ST8SIA4: variants seen among roughly 807,000 people sequenced by gnomAD.
ST8SIA4 encodes ST8 alpha-N-acetyl-neuraminide alpha-2,8-sialyltransferase 4, also known as CMP-N-acetylneuraminate-poly-alpha-2,8-sialyltransferase.
Under a neutral mutation model 33.9 loss-of-function variants are expected in ST8SIA4, and 15 were observed. The ratio of observed to expected loss-of-function variants is 0.44; its 90% CI spans 0.30 to 0.68. ST8SIA4 has a LOEUF of 0.68. ST8SIA4 is among the 30% of genes least tolerant of loss of function. The pLI is 0.10. For missense variants in ST8SIA4, 321 were observed against 428.0 expected, an observed-to-expected ratio of 0.75 and a Z score of 2.21; for synonymous variants, 171 against 151.2, an observed-to-expected ratio of 1.13 and a Z score of -0.96.
At chr5:100,897,122 G>A (rs1752794700) in intron 1 of ST8SIA4, among the ~76,000 whole-genome samples, 1 of 152,102 alleles carries the variant, frequency 6.6e-6, no homozygotes, top group South Asian at 2.1e-4. Flanking sequence ...TTCCCTGACA[G>A]TTGGTGGAGA....
intron 4 of ST8SIA4, among the ~76,000 whole-genome samples, chr5:100,836,775 A>AT (rs1751371572): frequency 1.3e-5 from 2 of 151,976 alleles, no homozygotes; most frequent in Admixed American, 6.6e-5. Context: ...TCCAGATTCA[A>AT]TTTTTTACTT....
chr5:100,869,489 G>T (rs989101551), intron 3 of ST8SIA4, among the ~76,000 whole-genome samples: 2 of 152,096 alleles, frequency 1.3e-5, no homozygotes, highest in Non-Finnish European at 2.9e-5. Context: ...TGATCTGAAT[G>T]TCATCACTTT....
At position 100,808,552 on chromosome 5, in the gene ST8SIA4, A is replaced by C. The variant is rs953118247; in HGVS notation, c.*3295T>G. 3.3e-5 allele frequency: 5 copies of C among 152,612 alleles called. No individual in the cohort carries two copies. The highest frequency in any genetic ancestry group is 7.3e-5 in the Non-Finnish European group (5 of 68,044). 9.5% of individuals were successfully genotyped at this position (152,612 alleles called of 1,614,324 possible). On this transcript the variant is annotated 3_prime_UTR_variant, in exon 5 of 5. Transcript: ENST00000231461. ...ACCATGTTCTGTAAAGGACAAGAAT[A>C]TTTCACAATCAGCTGCCTGAGCATT...
At chr5:100,896,370 C>T (rs1351662810) in intron 1 of ST8SIA4, among the ~76,000 whole-genome samples, 2 of 151,872 alleles carry the variant, frequency 1.3e-5, no homozygotes, top group Admixed American at 6.6e-5. Flanking sequence ...ACCTTATAAT[C>T]GCACTTATAT....
At chr5:100,898,744 A>C (rs1752832958) in intron 1 of ST8SIA4, among the ~76,000 whole-genome samples, 1 of 152,202 alleles carries the variant, frequency 6.6e-6, no homozygotes, top group South Asian at 2.1e-4. Flanking sequence ...GCGAAGCTTG[A>C]AGGATGTTGC....
In ST8SIA4 at chr5:100,855,960, T is replaced by C. The variant is rs549748439; in HGVS notation, c.797+143A>G. ...ATCGTACATAAACAAACTTCAAGTTTGTAAATAGAGTAACCATTATAAAAT... is the reference window on the plus strand; with the variant it reads ...ATCGTACATAAACAAACTTCAAGTTCGTAAATAGAGTAACCATTATAAAAT... On this transcript the variant is annotated intron_variant, in intron 4 of 4. Transcript: ENST00000231461. 379 of 838,314 alleles carry C rather than the reference T, an allele frequency of 4.5e-4. 1 individual carries two copies. Among genetic ancestry groups the C allele is most frequent in the Non-Finnish European group, 6.2e-4 (348 of 559,450 alleles). The allele number at this position is 838,314 out of a possible 1,614,324, so 51.9% of individuals were successfully genotyped here.
intron 3 of ST8SIA4, among the ~76,000 whole-genome samples, chr5:100,868,583 C>T (rs1425079816): frequency 1.3e-5 from 2 of 151,916 alleles, no homozygotes; most frequent in Non-Finnish European, 2.9e-5. Flanking sequence ...AGTCAAGATT[C>T]CTAATTGGGT....
intron 2 of ST8SIA4, among the ~76,000 whole-genome samples, chr5:100,892,073 G>A (rs868360547): frequency 2.0e-5 from 3 of 152,028 alleles, no homozygotes; most frequent in South Asian, 2.1e-4. Context: ...TTCTAATTAT[G>A]ATGTGATAAA....
intron 4 of ST8SIA4, among the ~76,000 whole-genome samples, chr5:100,823,647 G>A (rs79057633): frequency 1.9e-4 from 29 of 152,026 alleles, no homozygotes; most frequent in African/African-American, 5.3e-4. Flanking sequence ...AAAATTATCC[G>A]GTAAAACAAA....
In ST8SIA4 at chr5:100,886,619, C is replaced by A; in HGVS notation, c.246-19G>T. On this transcript the variant is annotated intron_variant, in intron 2 of 4. Transcript: ENST00000231461. Reference sequence around the variant, plus strand: ...GTTCTTCCTGTATTTGAAATACAAGCAAAGTTTTACATTACCATCAGCATA... The same window carrying A: ...GTTCTTCCTGTATTTGAAATACAAGAAAAGTTTTACATTACCATCAGCATA... 6.3e-7 allele frequency: 1 copy of A among 1,580,462 alleles called. No individual in the cohort carries two copies. Among genetic ancestry groups the A allele is most frequent in the Non-Finnish European group, 8.7e-7 (1 of 1,150,172 alleles).
intron 3 of ST8SIA4, among the ~76,000 whole-genome samples, chr5:100,871,146 C>T (rs1326695193): frequency 6.6e-6 from 1 of 151,936 alleles, no homozygotes; most frequent in African/African-American, 2.4e-5. Flanking sequence ...TCATTGTGAA[C>T]ATGTAGAAAA....
At chr5:100,855,752 G>T (rs1038252905) in intron 4 of ST8SIA4, among the ~76,000 whole-genome samples, 1 of 151,998 alleles carries the variant, frequency 6.6e-6, no homozygotes, top group African/African-American at 2.4e-5. Context: ...ACACAATATT[G>T]CCCACTAGCC....
chr5:100,812,695 T>A (rs1750839100), intron 4 of ST8SIA4, among the ~76,000 whole-genome samples: 1 of 151,800 alleles, frequency 6.6e-6, no homozygotes, highest in East Asian at 1.9e-4. Context: ...AGAACAACAA[T>A]AAAAAAAAGT....
intron 4 of ST8SIA4, among the ~76,000 whole-genome samples, chr5:100,845,075 C>T (rs1381452729): frequency 3.3e-5 from 5 of 151,966 alleles, no homozygotes; most frequent in Non-Finnish European, 5.9e-5. Context: ...TGACAAATGG[C>T]GATAGCCATA....
chr5:100,870,020 T>C lies in ST8SIA4; in HGVS notation c.504-13624A>G, dbSNP rs571747360. Among the ~76,000 whole-genome samples the C allele has an allele frequency of 5.3e-5, 8 of 152,208 alleles. No homozygotes were observed. The South Asian group carries it at 1.2e-3, about 24-fold the overall frequency. On this transcript the variant is annotated intron_variant, in intron 3 of 4. Transcript: ENST00000231461. Reference sequence around the variant, plus strand: ...ACCTCCCCCACCCCACGACAGGCCCTGGTGTGTGATGTTCCCCACCCTGTG... The same window carrying C: ...ACCTCCCCCACCCCACGACAGGCCCCGGTGTGTGATGTTCCCCACCCTGTG...
At chr5:100,859,936 T>A (rs2112444266) in intron 3 of ST8SIA4, among the ~76,000 whole-genome samples, 1 of 152,266 alleles carries the variant, frequency 6.6e-6, no homozygotes, top group Non-Finnish European at 1.5e-5. Flanking sequence ...AAGCTCAGAC[T>A]TTTTTTCTAG....
chr5:100,839,485 A>G (rs531286026), intron 4 of ST8SIA4, among the ~76,000 whole-genome samples: 92 of 152,086 alleles, frequency 6.0e-4, no homozygotes, highest in African/African-American at 2.1e-3. Flanking sequence ...CTATTTTAGA[A>G]TTATTTAAAA....
intron 3 of ST8SIA4, among the ~76,000 whole-genome samples, chr5:100,883,441 G>A (rs187924848): frequency 1.3e-5 from 2 of 152,148 alleles, no homozygotes; most frequent in African/African-American, 2.4e-5. Flanking sequence ...GACTTGCCTT[G>A]TCTCAGACGG....
In ST8SIA4 at chr5:100,811,521, T is replaced by C. The variant is rs1750816587; in HGVS notation, c.*326A>G. The stretch of plus-strand genomic sequence containing the variant: ...TCTTCTAATATGCTTGGTGTTGCTG[T>C]GGGCAGCCTGACAGTGATGAACATA... On this transcript the variant is annotated 3_prime_UTR_variant, in exon 5 of 5. Transcript: ENST00000231461. 1.1e-5 allele frequency: 2 copies of C among 187,678 alleles called. No homozygotes were observed. The highest frequency in any genetic ancestry group is 2.2e-4 in the South Asian group (2 of 9,048). The allele number at this position is 187,678 out of a possible 1,614,324, so 11.6% of individuals were successfully genotyped here.
Sources: gnomAD v4.1 joint callset for allele counts (sites outside exome capture counted in the v4.1 genomes callset) on GRCh38, gnomAD v4.1.1 for gene constraint, MANE v1.5 for transcripts, NCBI Gene and HGNC (gene_info 2026-07-23, HGNC 2026-07-21) for gene names.